Variants in CDH15 observed in about 807,000 individuals in gnomAD.
The protein encoded by CDH15 is cadherin 15, also known as cadherin-15.
CDH15 carries 73 observed loss-of-function variants against 69.4 expected under a neutral mutation model. The ratio of observed to expected loss-of-function variants is 1.05; its 90% CI spans 0.87 to 1.28. The LOEUF (loss-of-function observed/expected upper bound fraction) is 1.28, where lower values mean the gene tolerates loss of function less well. Ranked by LOEUF, CDH15 falls within the 50% of genes most tolerant of loss-of-function variation. The pLI is 0.00. For synonymous variants in CDH15, 624 were observed against 507.7 expected (o/e 1.23, Z -3.08); for missense variants, 1,343 against 1,133.6 (o/e 1.18, Z -2.65).
At chr16:89,183,726 G>A (rs755834297) in intron 4 of CDH15, 34 bp downstream of exon 4, 1 of 1,564,342 alleles carries the variant, frequency 6.4e-7, no homozygotes, top group African/African-American at 1.4e-5. Context: ...GCCGGGAGGG[G>A]CTGCAAGGAA....
rs1406544642 is a variant in CDH15 at position 89,192,213 on chromosome 16, G to T, written c.1624G>T (p.Ala542Ser). The T allele has an allele frequency of 1.3e-6, 2 of 1,529,060 alleles. No homozygotes were observed. The highest frequency in any genetic ancestry group is 2.4e-5 in the South Asian group (2 of 83,626). 94.7% of individuals were successfully genotyped at this position (1,529,060 alleles called of 1,614,324 possible). A position where few individuals can be genotyped will look rare whatever the true frequency, so the allele number is the denominator to read the frequency against. The change falls in exon 11 of 14, where the codon GCG (alanine) becomes TCG (serine). Residue 542 changes from alanine to serine, a missense_variant. Transcript: ENST00000289746. ...WSLSQVNVSH[A>S]RLRPRHQVPE... ...ACAGGCGCCCTCCGCAGTGAGCCAC[G>T]CGCGCCTGCGGCCGCGACACCAGGT...
In CDH15 at chr16:89,174,664, C is replaced by T. The variant is rs540784874; in HGVS notation, c.42+2791C>T. Among the ~76,000 whole-genome samples the T allele has an allele frequency of 4.6e-5, 7 of 152,264 alleles. No homozygotes were observed. In the South Asian group the frequency reaches 1.5e-3, roughly 32 times the overall value. ...GTGGCCCCAGACGTCTCAAGGGCTT[C>T]GAGGTGGTTCCCTCCAGGCTCTTGG... On this transcript the variant is annotated intron_variant, in intron 1 of 13. Transcript: ENST00000289746.
chr16:89,183,796 A>G (rs1915427718), intron 4 of CDH15, 104 bp downstream of exon 4: 14 of 1,204,482 alleles, frequency 1.2e-5, no homozygotes, highest in Non-Finnish European at 1.4e-5. Context: ...CTCAGAGTCT[A>G]AAAATAAGTA....
chr16:89,194,418 C>T (rs3826267), intron 13 of CDH15, among the ~76,000 whole-genome samples: 27,364 of 152,220 alleles, frequency 0.18, 2,475 homozygotes, highest in South Asian at 0.21. Context: ...AAGGTGTACA[C>T]CCCCGGTTAG....
At chr16:89,180,974 C>CTTTTTTTTTTTTTTTTTT (rs770080908) in intron 3 of CDH15, among the ~76,000 whole-genome samples, 6,583 of 95,568 alleles carry the variant, frequency 0.069, 777 homozygotes, top group Non-Finnish European at 0.078. Flanking sequence ...CGCGCCCGAC[C>CTTTTTTTTTTTTTTTTTT]TTTTTTTTTT....
chr16:89,192,456 C>G lies in CDH15; in HGVS notation c.1855+12C>G. On this transcript the variant is annotated intron_variant, in intron 11 of 13. Transcript: ENST00000289746. The stretch of plus-strand genomic sequence containing the variant: ...CCTCCTGCTGCTGGGTGAGTGAGCG[C>G]CCCGCCTCCACCTGGACCCTCGGAC... The G allele has an allele frequency of 1.3e-6, 2 of 1,563,152 alleles. No individual in the cohort carries two copies. Among genetic ancestry groups the G allele is most frequent in the Non-Finnish European group, 1.7e-6 (2 of 1,162,308 alleles).
chr16:89,192,108 A>C (rs1433892663), intron 10 of CDH15, 97 bp from the exon 11 acceptor site: 4 of 1,412,504 alleles, frequency 2.8e-6, no homozygotes, highest in African/African-American at 1.4e-5. Context: ...ACCCAGGCCC[A>C]GGATCTCGGG....
chr16:89,174,106 C>T (rs932411757), intron 1 of CDH15, among the ~76,000 whole-genome samples: 3 of 152,214 alleles, frequency 2.0e-5, no homozygotes, highest in Admixed American at 6.5e-5. Context: ...GAAGGACAGC[C>T]CCAGACACCG....
rs1567772879 is a variant in CDH15 at position 89,183,672 on chromosome 16, T to C, written c.482T>C (p.Val161Ala). 1.2e-6 allele frequency: 2 copies of C among 1,606,664 alleles called. No homozygotes were observed. Among genetic ancestry groups the C allele is most frequent in the Non-Finnish European group, 1.7e-6 (2 of 1,176,562 alleles). Residue 161 changes from valine to alanine, a missense_variant, in exon 4 of 14, where the codon GTG (valine) becomes GCG (alanine). By Grantham distance (64) the Val-to-Ala change is moderately conservative. Coordinates refer to ENST00000289746, the MANE Select transcript of CDH15 (RefSeq NM_004933.3). The stretch of plus-strand genomic sequence containing the variant: ...CTGCAGGAGGCGTTCACTGGCCGCG[T>C]GCTGGAGGGTGCAGTCCCAGGTGAG... ...AFLQEAFTGR[V>A]LEGAVPGTYV...
intron 10 of CDH15, 41 bp downstream of exon 10, chr16:89,191,935 TC>T (rs1040128597): frequency 1.4e-6 from 2 of 1,465,982 alleles, no homozygotes; most frequent in Non-Finnish European, 9.2e-7. Context: ...ATCCCCACGC[TC>T]CCCCCACCCC....
intron 1 of CDH15, among the ~76,000 whole-genome samples, chr16:89,172,838 C>G (rs1016489501): frequency 2.6e-5 from 4 of 152,158 alleles, no homozygotes; most frequent in African/African-American, 9.7e-5. Flanking sequence ...CTGGCCAATT[C>G]GAGAGAGAAT....
intron 3 of CDH15, among the ~76,000 whole-genome samples, chr16:89,180,909 G>A (rs868752133): frequency 6.6e-5 from 10 of 150,824 alleles, no homozygotes; most frequent in African/African-American, 2.2e-4. Context: ...ATTTTTAGTA[G>A]AGACGGGGTT....
chr16:89,194,798 G>T (rs1297100687), intron 13 of CDH15, 64 bp from the exon 14 acceptor site: 44 of 1,508,720 alleles, frequency 2.9e-5, no homozygotes, highest in Non-Finnish European at 2.5e-5. Context: ...CTGGGCTGTG[G>T]CCACGGCGGT....
At chr16:89,190,169 C>A in intron 7 of CDH15, 74 bp from the exon 8 acceptor site, 1 of 1,565,688 alleles carries the variant, frequency 6.4e-7, no homozygotes, top group East Asian at 2.3e-5. Context: ...CAAGGAGTGG[C>A]TCCCCCATGG....
At chr16:89,180,416 C>T in intron 3 of CDH15, 61 bp downstream of exon 3, 1 of 1,556,400 alleles carries the variant, frequency 6.4e-7, no homozygotes, top group African/African-American at 1.4e-5. Context: ...AGCCAGTGCC[C>T]CTCCTCCCCA....
At chr16:89,173,463 G>C (rs1055673026) in intron 1 of CDH15, among the ~76,000 whole-genome samples, 2 of 152,206 alleles carry the variant, frequency 1.3e-5, no homozygotes, top group Non-Finnish European at 2.9e-5. Flanking sequence ...TTCTCGCCCA[G>C]GGCTGGGGGA....
In CDH15 at chr16:89,192,243, G is replaced by A. The variant is rs1284747530; in HGVS notation, c.1654G>A (p.Glu552Lys). 2.7e-5 allele frequency: 42 copies of A among 1,529,718 alleles called. No homozygotes were observed. Among genetic ancestry groups the A allele is most frequent in the Admixed American group, 3.9e-5 (2 of 50,782 alleles). The allele number at this position is 1,529,718 out of a possible 1,614,324, so 94.8% of individuals were successfully genotyped here. A position where few individuals can be genotyped will look rare whatever the true frequency, so the allele number is the denominator to read the frequency against. The change falls in exon 11 of 14, where the codon GAA (glutamate) becomes AAA (lysine). Residue 552 changes from glutamate (E) to lysine (K), a missense_variant. By Grantham distance (56) the Glu-to-Lys change is moderately conservative (BLOSUM62 1). Transcript: ENST00000289746. Reference sequence around the variant, plus strand: ...CCTGCGGCCGCGACACCAGGTCCCCGAAGGCCTGCACCGCCTCAGCCTGCT... The same window carrying A: ...CCTGCGGCCGCGACACCAGGTCCCCAAAGGCCTGCACCGCCTCAGCCTGCT... ...ARLRPRHQVP[E>K]GLHRLSLLLR... is the part of the protein sequence containing the mutation.
intron 3 of CDH15, among the ~76,000 whole-genome samples, chr16:89,181,925 G>A (rs1213282478): frequency 3.3e-5 from 5 of 149,666 alleles, no homozygotes; most frequent in Non-Finnish European, 7.4e-5. Flanking sequence ...GTGACAGAGT[G>A]AGACTCTGTC....
In CDH15 at chr16:89,193,810, G is replaced by T; in HGVS notation, c.2048G>T (p.Gly683Val). 6.2e-7 allele frequency: 1 copy of T among 1,608,596 alleles called. No homozygotes were observed. The highest frequency in any genetic ancestry group is 8.5e-7 in the Non-Finnish European group (1 of 1,179,534). Residue 683 changes from glycine (G) to valine (V), a missense_variant, in exon 13 of 14, where the codon GGA becomes GTA. Transcript: ENST00000289746. ...CCGACAGCGCTGAGCCTGCCTCTGG[G>T]ACCGCCGCCACTTCGCAGAGATGCC... ...RHPTALSLPL[G>V]PPPLRRDAPQ...
Sources: allele counts gnomAD v4.1 joint callset (sites outside exome capture counted in the v4.1 genomes callset), GRCh38; gene constraint gnomAD v4.1.1; transcripts MANE v1.5; gene names NCBI Gene and HGNC (gene_info 2026-07-23, HGNC 2026-07-21).